The following AGBL1 variants were observed in gnomAD, a reference collection of about 807,000 sequenced individuals.
AGBL1 encodes cytosolic carboxypeptidase 4.
AGBL1 carries 130 observed loss-of-function variants against 118.9 expected under a neutral mutation model. The ratio of observed to expected loss-of-function variants is 1.09; its 90% CI spans 0.95 to 1.26. The LOEUF is 1.26. Among genes scored for constraint, AGBL1 ranks in the 50% most tolerant of loss-of-function variants. The pLI is 0.00. For missense variants in AGBL1, 1,584 were observed against 1,298.1 expected (o/e 1.22, Z -3.38); for synonymous variants, 555 against 478.9 (o/e 1.16, Z -2.08).
intron 17 of AGBL1, among the ~76,000 whole-genome samples, chr15:86,388,106 G>T (rs1177135441): frequency 6.6e-6 from 1 of 152,196 alleles, no homozygotes; most frequent in Non-Finnish European, 1.5e-5. Flanking sequence ...CACAGCTTAA[G>T]AGTTTGTAAA....
intron 21 of AGBL1, among the ~76,000 whole-genome samples, chr15:86,634,719 A>G (rs1357357618): frequency 6.6e-6 from 1 of 152,204 alleles, no homozygotes; most frequent in African/African-American, 2.4e-5. Flanking sequence ...TTATTTTTCA[A>G]TAAAACCATC....
chr15:86,887,139 A>T (rs2079981674), intron 22 of AGBL1, among the ~76,000 whole-genome samples: 1 of 152,228 alleles, frequency 6.6e-6, no homozygotes, highest in South Asian at 2.1e-4. Flanking sequence ...ATTTATTAAA[A>T]CAAATAGAAA....
At chr15:86,197,790 T>G (rs2077838687) in intron 5 of AGBL1, among the ~76,000 whole-genome samples, 1 of 151,994 alleles carries the variant, frequency 6.6e-6, no homozygotes, top group Admixed American at 6.6e-5. Context: ...CAGCTTGGAC[T>G]GAAGGGAATA....
At chr15:86,856,107 C>T (rs1017958418) in intron 22 of AGBL1, among the ~76,000 whole-genome samples, 8 of 152,308 alleles carry the variant, frequency 5.3e-5, no homozygotes, top group East Asian at 1.9e-4. Flanking sequence ...TTGACATTTC[C>T]GCAAAGGGGT....
At chr15:86,530,248 A>G (rs1376942622) in intron 19 of AGBL1, among the ~76,000 whole-genome samples, 1 of 128,936 alleles carries the variant, frequency 7.8e-6, no homozygotes, top group Non-Finnish European at 1.5e-5. Flanking sequence ...GGCTGAAAAT[A>G]AAAGGATGGA....
At chr15:86,712,580 A>C (rs547117003) in intron 22 of AGBL1, among the ~76,000 whole-genome samples, 58 of 152,280 alleles carry the variant, frequency 3.8e-4, no homozygotes, top group Non-Finnish European at 6.0e-4. Context: ...AGAGAAAAAA[A>C]ATCCGCCTGT....
chr15:86,469,026 A>G (rs1453612703), intron 18 of AGBL1, among the ~76,000 whole-genome samples: 1 of 152,204 alleles, frequency 6.6e-6, no homozygotes, highest in Non-Finnish European at 1.5e-5. Flanking sequence ...AAATGGTTAA[A>G]TGCTTATCAG....
chr15:86,151,251 G>A (rs1041262925), intron 3 of AGBL1, among the ~76,000 whole-genome samples: 3 of 148,982 alleles, frequency 2.0e-5, no homozygotes, highest in Admixed American at 1.4e-4. Context: ...GTATACATAT[G>A]TAACTAAGCT....
chr15:86,545,955 C>A, intron 19 of AGBL1, 47 bp from the exon 20 acceptor site: 1 of 1,591,004 alleles, frequency 6.3e-7, no homozygotes. Flanking sequence ...TTTAAGAAAC[C>A]AATGACCTGA....
At chr15:86,795,858 T>C (rs1244549486) in intron 22 of AGBL1, among the ~76,000 whole-genome samples, 2 of 151,510 alleles carry the variant, frequency 1.3e-5, no homozygotes, top group South Asian at 2.1e-4. Flanking sequence ...AGTGCTGGGA[T>C]TACAGGCGTG....
At chr15:86,368,095 G>GT (rs1232095797) in intron 17 of AGBL1, among the ~76,000 whole-genome samples, 1 of 152,096 alleles carries the variant, frequency 6.6e-6, no homozygotes, top group Non-Finnish European at 1.5e-5. Context: ...TTCGGGATTT[G>GT]TTTTTTCAGA....
At chr15:86,554,079 T>G (rs1306306801) in intron 20 of AGBL1, among the ~76,000 whole-genome samples, 1 of 152,006 alleles carries the variant, frequency 6.6e-6, no homozygotes, top group African/African-American at 2.4e-5. Flanking sequence ...AGGCTGGTTT[T>G]GAACTCCCGC....
chr15:87,024,305 T>TAACA (rs2081701582), intron 24 of AGBL1, among the ~76,000 whole-genome samples: 2 of 151,872 alleles, frequency 1.3e-5, no homozygotes, highest in Admixed American at 6.6e-5. Context: ...ATATTACAAC[T>TAACA]AACACCACAG....
intron 22 of AGBL1, among the ~76,000 whole-genome samples, chr15:86,733,284 G>A (rs2077551382): frequency 2.0e-5 from 3 of 152,080 alleles, no homozygotes; most frequent in African/African-American, 7.2e-5. Flanking sequence ...CCCAAAAACA[G>A]AGAGTGTGAT....
intron 21 of AGBL1, among the ~76,000 whole-genome samples, chr15:86,562,144 A>C (rs1380880472): frequency 6.6e-6 from 1 of 152,094 alleles, no homozygotes; most frequent in Non-Finnish European, 1.5e-5. Flanking sequence ...AATACCCTTT[A>C]TTTCTTTCTC....
intron 18 of AGBL1, among the ~76,000 whole-genome samples, chr15:86,457,547 T>A (rs868510745): frequency 6.6e-6 from 1 of 152,190 alleles, no homozygotes; most frequent in African/African-American, 2.4e-5. Flanking sequence ...CAGGAAAGTA[T>A]GATTAGAGCA....
At chr15:86,661,100 G>A (rs1212306515) in intron 21 of AGBL1, among the ~76,000 whole-genome samples, 1 of 152,156 alleles carries the variant, frequency 6.6e-6, no homozygotes, top group Non-Finnish European at 1.5e-5. Context: ...AAAGATGTCT[G>A]TAAGTATACA....
chr15:86,873,824 T>C (rs1253245732), intron 22 of AGBL1, among the ~76,000 whole-genome samples: 2 of 152,166 alleles, frequency 1.3e-5, no homozygotes, highest in Non-Finnish European at 2.9e-5. Flanking sequence ...ACTACCTCTT[T>C]TGGTGGTAGT....
At chr15:86,433,403 A>G (rs2142042308) in intron 18 of AGBL1, among the ~76,000 whole-genome samples, 1 of 151,110 alleles carries the variant, frequency 6.6e-6, no homozygotes, top group Non-Finnish European at 1.5e-5. Flanking sequence ...AGGAAGGTGA[A>G]GGCCCCTGTT....
Sources: allele counts gnomAD v4.1 joint callset (sites outside exome capture counted in the v4.1 genomes callset), GRCh38; gene constraint gnomAD v4.1.1; transcripts MANE v1.5; gene names NCBI Gene and HGNC (gene_info 2026-07-23, HGNC 2026-07-21).